Variants in TTBK2 observed in about 807,000 individuals in gnomAD.
TTBK2 encodes tau-tubulin kinase 2.
A neutral mutation model predicts 110.8 loss-of-function variants in TTBK2; 28 were observed. The observed-to-expected ratio is 0.25, with a 90% CI of 0.19 to 0.35. TTBK2 has a LOEUF of 0.35. Among genes scored for constraint, TTBK2 ranks in the 10% least tolerant of loss-of-function variants. The pLI is 1.00. For synonymous variants in TTBK2, 532 were observed against 527.3 expected, an observed-to-expected ratio of 1.01 and a Z score of -0.12; for missense variants, 1,369 against 1,500.3, an observed-to-expected ratio of 0.91 and a Z score of 1.45.
chr15:42,792,887 T>TA (rs1320808514), intron 10 of TTBK2, among the ~76,000 whole-genome samples: 7 of 152,198 alleles, frequency 4.6e-5, no homozygotes, highest in African/African-American at 1.7e-4. Flanking sequence ...TTGGAGAAAA[T>TA]ATTGGAAGAT....
chr15:42,800,973 A>C, intron 9 of TTBK2: 1 of 753,934 alleles, frequency 1.3e-6, no homozygotes, highest in South Asian at 1.4e-5. Context: ...TCACTTGGGC[A>C]GGACGTTGGA....
intron 10 of TTBK2, among the ~76,000 whole-genome samples, 165 bp from the exon 11 acceptor site, chr15:42,783,800 G>A (rs1264658934): frequency 6.6e-6 from 1 of 150,474 alleles, no homozygotes; most frequent in Non-Finnish European, 1.5e-5. Flanking sequence ...GGTGGCTTAT[G>A]CCTGTAATCC....
At chr15:42,765,816 T>C (rs1462838486) in intron 13 of TTBK2, among the ~76,000 whole-genome samples, 1 of 151,918 alleles carries the variant, frequency 6.6e-6, no homozygotes, top group African/African-American at 2.4e-5. Flanking sequence ...CACAAAATTG[T>C]CAGATTCACC....
In TTBK2 at chr15:42,905,418, C is replaced by T. The variant is rs1432824849; in HGVS notation, c.-68+15020G>A. 5.9e-5 allele frequency among the ~76,000 whole-genome samples: 9 copies of T among 152,088 alleles called. No homozygotes were observed. The East Asian group carries it at 1.6e-3, about 26-fold the overall frequency. On this transcript the variant is annotated intron_variant, in intron 1 of 14. Transcript: ENST00000267890. ...CCTCCCAGGTAGCTGGGACCACAGG[C>T]ACACACCTAGCTAAATTTTTGGAGA...
At chr15:42,917,843 A>AT (rs1372754619) in intron 1 of TTBK2, among the ~76,000 whole-genome samples, 1 of 152,212 alleles carries the variant, frequency 6.6e-6, no homozygotes, top group Non-Finnish European at 1.5e-5. Context: ...CAAAAAATGA[A>AT]TACATGACTA....
chr15:42,751,869 T>C (rs903065348), intron 14 of TTBK2, 105 bp downstream of exon 14: 124 of 1,378,464 alleles, frequency 9.0e-5, no homozygotes, highest in Non-Finnish European at 1.2e-4. Flanking sequence ...GAAAGAAAGA[T>C]ACTGAGAAGG....
chr15:42,833,247 T>TA (rs35997543), intron 4 of TTBK2, among the ~76,000 whole-genome samples: 20,057 of 74,702 alleles, frequency 0.27, 3,061 homozygotes, highest in African/African-American at 0.47. Flanking sequence ...CCAAATTTTG[T>TA]AAAAAAAAAA....
chr15:42,842,916 T>C (rs1201987856), intron 3 of TTBK2, among the ~76,000 whole-genome samples: 1 of 152,126 alleles, frequency 6.6e-6, no homozygotes, highest in Non-Finnish European at 1.5e-5. Flanking sequence ...ATTTGCAAAA[T>C]AGTGTTATCT....
chr15:42,840,306 G>A, intron 4 of TTBK2, 54 bp downstream of exon 4: 1 of 1,425,588 alleles, frequency 7.0e-7, no homozygotes, highest in South Asian at 1.1e-5. Flanking sequence ...CACTGTAATT[G>A]TATACTTTGA....
chr15:42,870,671 G>C (rs1431054167), intron 3 of TTBK2, among the ~76,000 whole-genome samples: 2 of 151,794 alleles, frequency 1.3e-5, no homozygotes, highest in African/African-American at 4.8e-5. Context: ...GACCATCCTG[G>C]CCAACATGGT....
At chr15:42,828,130 A>G in intron 5 of TTBK2, 98 bp from the exon 6 acceptor site, 2 of 890,974 alleles carry the variant, frequency 2.2e-6, no homozygotes, top group Non-Finnish European at 3.6e-6. Context: ...TTTAAGCTCT[A>G]TATAACACAC....
chr15:42,776,107 T>G (rs887031792), intron 12 of TTBK2, among the ~76,000 whole-genome samples: 1 of 152,228 alleles, frequency 6.6e-6, no homozygotes, highest in Non-Finnish European at 1.5e-5. Context: ...ATAACATAGC[T>G]ATGAATGATT....
chr15:42,880,292 A>G (rs757138212), intron 1 of TTBK2, among the ~76,000 whole-genome samples: 3 of 152,212 alleles, frequency 2.0e-5, no homozygotes, highest in Non-Finnish European at 4.4e-5. Flanking sequence ...CCACATTTAC[A>G]TAATAAAAGG....
intron 10 of TTBK2, among the ~76,000 whole-genome samples, chr15:42,792,029 C>T (rs984879502): frequency 3.3e-5 from 5 of 152,044 alleles, no homozygotes; most frequent in Non-Finnish European, 7.4e-5. Flanking sequence ...TCCAGCTACT[C>T]GGAAGGCTGA....
intron 11 of TTBK2, among the ~76,000 whole-genome samples, chr15:42,780,176 C>T (rs914009160): frequency 2.1e-5 from 3 of 144,242 alleles, no homozygotes; most frequent in African/African-American, 7.7e-5. Context: ...TACGTGCCAA[C>T]ATGCCCGGCT....
intron 1 of TTBK2, among the ~76,000 whole-genome samples, chr15:42,902,756 G>A (rs927521191): frequency 2.7e-4 from 41 of 152,252 alleles, no homozygotes; most frequent in African/African-American, 9.6e-4. Context: ...ACTTTGCAGG[G>A]CCGAGGTGGG....
chr15:42,752,720 C>T lies in TTBK2; in HGVS notation c.2526G>A (p.Glu842=), dbSNP rs1176755375. 1.2e-6 allele frequency: 2 copies of T among 1,614,140 alleles called. No individual in the cohort carries two copies. The highest frequency in any genetic ancestry group is 1.7e-6 in the Non-Finnish European group (2 of 1,180,030). The stretch of plus-strand genomic sequence containing the variant: ...TTCCAACTGTCAGAAGCTTCATTAT[C>T]TCATTATTTTTGTCTTGATTTGGCA... ...SVVPNQDKNN[E]IMKLLTVGTS... Residue 842 remains glutamate (E), a synonymous_variant, in exon 14 of 15, where the codon GAG becomes GAA. Transcript: ENST00000267890.
At chr15:42,852,954 T>C (rs1893779718) in intron 3 of TTBK2, among the ~76,000 whole-genome samples, 1 of 152,232 alleles carries the variant, frequency 6.6e-6, no homozygotes, top group South Asian at 2.1e-4. Flanking sequence ...TCCCAGTATG[T>C]AACTATTATG....
intron 13 of TTBK2, among the ~76,000 whole-genome samples, chr15:42,762,439 C>T (rs576216517): frequency 3.7e-4 from 57 of 152,204 alleles, no homozygotes; most frequent in East Asian, 1.9e-3. Context: ...GTATAGCGGC[C>T]GGGCACGGTG....
Sources: gnomAD v4.1 joint callset for allele counts (sites outside exome capture counted in the v4.1 genomes callset) on GRCh38, gnomAD v4.1.1 for gene constraint, MANE v1.5 for transcripts, NCBI Gene and HGNC (gene_info 2026-07-23, HGNC 2026-07-21) for gene names.